SLC9A8: variants seen among roughly 807,000 people sequenced by gnomAD.
The protein encoded by SLC9A8 is solute carrier family 9 member A8.
In SLC9A8, 48 loss-of-function variants were observed where a neutral mutation model predicts 66.6. The ratio of observed to expected loss-of-function variants is 0.72; its 90% CI spans 0.57 to 0.92. The LOEUF (loss-of-function observed/expected upper bound fraction) is 0.92. Ranked by LOEUF, SLC9A8 falls within the 40% of genes least tolerant of loss-of-function variation. SLC9A8 has a pLI of 0.00. For missense variants in SLC9A8, 599 were observed against 747.3 expected (o/e 0.80, Z 2.31); for synonymous variants, 274 against 282.6 (o/e 0.97, Z 0.31).
At position 49,838,997 on chromosome 20, in the gene SLC9A8, G is replaced by T. The variant is rs147289234; in HGVS notation, c.290-544G>T. Among the ~76,000 whole-genome samples the T allele has an allele frequency of 4.3e-3, 647 of 152,118 alleles. 3 individuals are homozygous for T. Among genetic ancestry groups the T allele is most frequent in the African/African-American group, 0.015 (625 of 41,514 alleles). The stretch of plus-strand genomic sequence containing the variant: ...GGTGGCCACTTTATAAGAGTGATGA[G>T]CCTGTCAGCTTTATGGAAACATGCC... On this transcript the variant is annotated intron_variant, in intron 3 of 15. Transcript: ENST00000361573.
chr20:49,821,224 T>C (rs2086728252), intron 2 of SLC9A8, among the ~76,000 whole-genome samples: 1 of 152,196 alleles, frequency 6.6e-6, no homozygotes, highest in Non-Finnish European at 1.5e-5. Flanking sequence ...GAGAATAACT[T>C]AAATTTTTAA....
intron 13 of SLC9A8, among the ~76,000 whole-genome samples, chr20:49,882,394 C>G (rs896344511): frequency 3.3e-5 from 5 of 152,244 alleles, no homozygotes; most frequent in Non-Finnish European, 7.3e-5. Context: ...CCACTTCACT[C>G]TCTTCCCCGG....
chr20:49,839,457 C>G lies in SLC9A8; in HGVS notation c.290-84C>G, dbSNP rs2087675425. 3.3e-6 allele frequency: 3 copies of G among 900,450 alleles called. No individual in the cohort carries two copies. In the Admixed American group the frequency reaches 6.1e-5, roughly 18 times the overall value. 55.8% of individuals were successfully genotyped at this position (900,450 alleles called of 1,614,324 possible). ...CACCTTGGGCACATGTCGTCAGGACCTCCTGAGGCTGTGTCATGTCTTAAA... is the reference window on the plus strand; with the variant it reads ...CACCTTGGGCACATGTCGTCAGGACGTCCTGAGGCTGTGTCATGTCTTAAA... On this transcript the variant is annotated intron_variant, in intron 3 of 15. Coordinates refer to ENST00000361573, the MANE Select transcript of SLC9A8 (RefSeq NM_015266.3).
intron 2 of SLC9A8, among the ~76,000 whole-genome samples, chr20:49,816,821 C>T (rs1238245385): frequency 6.6e-6 from 1 of 151,936 alleles, no homozygotes; most frequent in African/African-American, 2.4e-5. Context: ...CTCTGCCTCC[C>T]GGGTTCACGC....
chr20:49,846,524 A>G (rs2087998346), intron 5 of SLC9A8, among the ~76,000 whole-genome samples: 1 of 151,486 alleles, frequency 6.6e-6, no homozygotes, highest in Non-Finnish European at 1.5e-5. Context: ...ACCACCCACC[A>G]CACTAAATAA....
At position 49,887,905 on chromosome 20, in the gene SLC9A8, G is replaced by C; in HGVS notation, c.1715G>C (p.Gly572Ala). The change falls in exon 16 of 16, where the codon GGC becomes GCC. Residue 572 changes from glycine to alanine, a missense_variant. By Grantham distance (60) the Gly-to-Ala change is moderately conservative. This residue lies in a region of SLC9A8 where 467 missense variants were observed against 626.5 expected (regional missense o/e 0.75). Transcript: ENST00000361573. ...WYEEVRQGPS[G>A]SEDDEQELL ...GAGGAGGTACGCCAGGGCCCCTCCG[G>C]CTCCGAGGACGACGAGCAGGAGCTG... The C allele has an allele frequency of 6.2e-7, 1 of 1,613,840 alleles. No individual in the cohort carries two copies. The highest frequency in any genetic ancestry group is 8.5e-7 in the Non-Finnish European group (1 of 1,179,904).
chr20:49,862,451 G>A (rs1400828577), intron 8 of SLC9A8, among the ~76,000 whole-genome samples: 6 of 152,008 alleles, frequency 3.9e-5, no homozygotes, highest in Admixed American at 1.3e-4. Context: ...TAGTAGAGAC[G>A]GGGTTTCACC....
intron 13 of SLC9A8, among the ~76,000 whole-genome samples, chr20:49,882,174 C>T (rs997963374): frequency 5.9e-5 from 9 of 152,208 alleles, no homozygotes; most frequent in Admixed American, 6.5e-5. Context: ...TCATGTCCCC[C>T]GCAGCTGTGT....
intron 1 of SLC9A8, among the ~76,000 whole-genome samples, chr20:49,814,427 C>T (rs2086472054): frequency 6.6e-6 from 1 of 152,162 alleles, no homozygotes; most frequent in South Asian, 2.1e-4. Context: ...TGTACTAGTT[C>T]ACAATCCCAG....
intron 8 of SLC9A8, among the ~76,000 whole-genome samples, chr20:49,857,863 A>T (rs1305096253): frequency 6.6e-6 from 1 of 152,150 alleles, no homozygotes; most frequent in South Asian, 2.1e-4. Context: ...CTTCCTTTGC[A>T]GGAGGAGCTT....
Position 49,863,075 on chromosome 20 carries a change from T to G in SLC9A8, c.852+8T>G. 2 of 1,605,448 alleles carry G rather than the reference T, an allele frequency of 1.2e-6. No homozygotes were observed. Among genetic ancestry groups the G allele is most frequent in the Non-Finnish European group, 1.7e-6 (2 of 1,175,922 alleles). ...GGCTTAATTTCTGCATTAATATCCT[T>G]TTAATGTGATGAACATGCAGGGTTA... On this transcript the variant is annotated splice_region_variant and intron_variant, in intron 9 of 15. Coordinates refer to ENST00000361573, the MANE Select transcript of SLC9A8 (RefSeq NM_015266.3).
At chr20:49,865,613 G>A (rs1194413861) in intron 10 of SLC9A8, among the ~76,000 whole-genome samples, 3 of 152,152 alleles carry the variant, frequency 2.0e-5, no homozygotes, top group Non-Finnish European at 4.4e-5. Context: ...ATGCTCACCA[G>A]CTGGAGGAGG....
chr20:49,814,466 C>T (rs566253516), intron 1 of SLC9A8, among the ~76,000 whole-genome samples: 3 of 152,186 alleles, frequency 2.0e-5, no homozygotes, highest in African/African-American at 4.8e-5. Context: ...TGGGAACATA[C>T]GCAGTGGAGT....
intron 1 of SLC9A8, among the ~76,000 whole-genome samples, chr20:49,814,245 C>T (rs924567409): frequency 1.3e-5 from 2 of 152,146 alleles, no homozygotes; most frequent in African/African-American, 2.4e-5. Flanking sequence ...TGAAGTTTTG[C>T]AACCTCCCTG....
chr20:49,833,579 G>A (rs2087303945), intron 3 of SLC9A8, among the ~76,000 whole-genome samples: 1 of 152,194 alleles, frequency 6.6e-6, no homozygotes, highest in Non-Finnish European at 1.5e-5. Flanking sequence ...GCGAGCATTG[G>A]CAGTTCATTG....
chr20:49,881,433 T>C (rs183700935), intron 13 of SLC9A8, among the ~76,000 whole-genome samples: 2 of 152,338 alleles, frequency 1.3e-5, no homozygotes, highest in Admixed American at 1.3e-4. Context: ...TATGTTAGTT[T>C]TGGATATTTT....
intron 8 of SLC9A8, among the ~76,000 whole-genome samples, chr20:49,856,807 CGA>C (rs1203627592): frequency 7.0e-6 from 1 of 142,874 alleles, no homozygotes; most frequent in East Asian, 2.0e-4. Context: ...GGTGACAGAG[CGA>C]GACTCCGTCT....
At chr20:49,879,321 C>A (rs1002590667) in intron 12 of SLC9A8, among the ~76,000 whole-genome samples, 26 of 152,312 alleles carry the variant, frequency 1.7e-4, no homozygotes, top group African/African-American at 6.3e-4. Context: ...GCTTTGGGGT[C>A]TGAACCAGAT....
At position 49,891,765 on chromosome 20, in the gene SLC9A8, G is replaced by C. The variant is rs933127862; in HGVS notation, c.*3829G>C. On this transcript the variant is annotated 3_prime_UTR_variant, in exon 16 of 16. Coordinates refer to ENST00000361573, the MANE Select transcript of SLC9A8 (RefSeq NM_015266.3). ...CAGAGCCTCAGGCTGGGATGGGGAG[G>C]CCTCCCTGCTTCCACCTGCATGGTG... is the stretch of plus-strand genomic sequence containing the variant. 3 of 152,244 alleles carry C rather than the reference G, an allele frequency of 2.0e-5. No homozygotes were observed. The highest frequency in any genetic ancestry group is 7.2e-5 in the African/African-American group (3 of 41,458). 9.4% of individuals were successfully genotyped at this position (152,244 alleles called of 1,614,324 possible). A position where few individuals can be genotyped will look rare whatever the true frequency, so the allele number is the denominator to read the frequency against.
Sources: allele counts gnomAD v4.1 joint callset (sites outside exome capture counted in the v4.1 genomes callset), GRCh38; gene constraint gnomAD v4.1.1; regional missense constraint gnomAD v4.1.1; transcripts MANE v1.5; gene names NCBI Gene and HGNC (gene_info 2026-07-23, HGNC 2026-07-21).